RPN1: variants seen among roughly 807,000 people sequenced by gnomAD.
RPN1 encodes ribophorin I.
A neutral mutation model predicts 55.5 loss-of-function variants in RPN1; 12 were observed. The observed-to-expected ratio is 0.22, with a 90% CI of 0.14 to 0.35. The LOEUF (loss-of-function observed/expected upper bound fraction) is 0.35. Ranked by LOEUF, RPN1 falls within the 10% of genes least tolerant of loss-of-function variation. RPN1 has a pLI of 1.00. For missense variants in RPN1, 679 were observed against 761.3 expected, an observed-to-expected ratio of 0.89 and a Z score of 1.27; for synonymous variants, 317 against 305.9, an observed-to-expected ratio of 1.04 and a Z score of -0.38.
intron 3 of RPN1, among the ~76,000 whole-genome samples, chr3:128,634,377 T>C (rs951591174): frequency 6.6e-6 from 1 of 151,766 alleles, no homozygotes; most frequent in African/African-American, 2.4e-5. Context: ...ATGTAAAATG[T>C]TTAGAGAATA....
At position 128,650,760 on chromosome 3, in the gene RPN1, AG is replaced by A; in HGVS notation, c.40del (p.Thr16LeufsTer16). On this transcript the variant is annotated frameshift_variant, in exon 1 of 10. Transcript: ENST00000296255. LOFTEE classifies it high-confidence loss of function. Reference protein sequence around the residue: ...PAAGLFLLLLLGTWAPAPGSA... With the variant: ...PAAGLFLLLLXGTWAPAPGSA... ...GCCCGGCGCCGGGGCCCAAGTCCCA[AG>A]CAACAGGAGCAGAAACAAGCCGGCG... 6.5e-7 allele frequency: 1 copy of A among 1,548,088 alleles called. No individual in the cohort carries two copies. The highest frequency in any genetic ancestry group is 1.7e-4 in the Middle Eastern group (1 of 5,848).
chr3:128,631,751 A>C (rs888874011), intron 4 of RPN1, among the ~76,000 whole-genome samples, 197 bp downstream of exon 4: 2 of 152,192 alleles, frequency 1.3e-5, no homozygotes, highest in Non-Finnish European at 2.9e-5. Flanking sequence ...CAAAGAAAAA[A>C]AAGAAAATGG....
At chr3:128,649,869 TAA>T (rs1427919720) in intron 1 of RPN1, among the ~76,000 whole-genome samples, 1 of 152,184 alleles carries the variant, frequency 6.6e-6, no homozygotes, top group Non-Finnish European at 1.5e-5. Context: ...AAACTAACTT[TAA>T]AAAGAGTTTT....
intron 4 of RPN1, among the ~76,000 whole-genome samples, chr3:128,630,449 GAAGAA>G (rs1484330875): frequency 2.0e-5 from 3 of 152,154 alleles, no homozygotes; most frequent in African/African-American, 7.2e-5. Context: ...ATTTTGCAGA[GAAGAA>G]AAGTAAAGAT....
intron 1 of RPN1, among the ~76,000 whole-genome samples, chr3:128,648,041 C>A (rs1386639371): frequency 6.6e-6 from 1 of 151,920 alleles, no homozygotes; most frequent in Non-Finnish European, 1.5e-5. Flanking sequence ...GGTAGATCAC[C>A]TGAGGTCAGG....
chr3:128,647,064 A>G (rs767836222), intron 1 of RPN1, among the ~76,000 whole-genome samples: 3 of 152,090 alleles, frequency 2.0e-5, no homozygotes, highest in Non-Finnish European at 2.9e-5. Context: ...AACAAGATAC[A>G]TAACCAGGAA....
chr3:128,626,989 T>A, intron 5 of RPN1, 157 bp from the exon 6 acceptor site: 1 of 637,120 alleles, frequency 1.6e-6, no homozygotes. Flanking sequence ...ACAAAGTATC[T>A]CTACTGAACC....
At chr3:128,639,759 TG>T (rs1474165958) in intron 2 of RPN1, among the ~76,000 whole-genome samples, 1 of 151,832 alleles carries the variant, frequency 6.6e-6, no homozygotes, top group Non-Finnish European at 1.5e-5. Context: ...AGCTAATTTT[TG>T]TGTTTTTAGT....
At chr3:128,639,426 C>T (rs919959551) in intron 2 of RPN1, among the ~76,000 whole-genome samples, 3 of 145,014 alleles carry the variant, frequency 2.1e-5, no homozygotes, top group African/African-American at 7.6e-5. Flanking sequence ...TGCACTCCAG[C>T]CGGGCGACAG....
chr3:128,634,578 T>TA (rs2069663628), intron 3 of RPN1, among the ~76,000 whole-genome samples: 1 of 151,578 alleles, frequency 6.6e-6, no homozygotes, highest in Non-Finnish European at 1.5e-5. Flanking sequence ...TTTTTTTTTT[T>TA]TTGAGACAAA....
chr3:128,640,920 C>T (rs1325581865), intron 2 of RPN1: 3 of 152,132 alleles, frequency 2.0e-5, no homozygotes, highest in African/African-American at 7.2e-5. Context: ...TAAATGCTGC[C>T]ACATAATTTA....
At chr3:128,637,218 A>ACAGAGC (rs2069687509) in intron 3 of RPN1, among the ~76,000 whole-genome samples, 1 of 152,112 alleles carries the variant, frequency 6.6e-6, no homozygotes, top group South Asian at 2.1e-4. Flanking sequence ...AGGCTGGGCA[A>ACAGAGC]CAGAGCAGGA....
In RPN1 at chr3:128,642,762, A is replaced by G. The variant is rs113371667; in HGVS notation, c.326+2157T>C. On this transcript the variant is annotated intron_variant, in intron 2 of 9. Transcript: ENST00000296255. ...AAGGGGTCAGGCGCAGTGGCTCACA[A>G]CTGTAACCCAACACTTTGGGAGGCC... Among the ~76,000 whole-genome samples the G allele has an allele frequency of 5.9e-4, 89 of 152,014 alleles. 1 individual carries two copies. The highest frequency in any genetic ancestry group is 2.1e-3 in the African/African-American group (87 of 41,462).
rs754166351 is a variant in RPN1, at chr3:128,644,963, T to C, written c.282A>G (p.Glu94=). The C allele has an allele frequency of 3.2e-6, 5 of 1,577,610 alleles. No individual in the cohort carries two copies. The highest frequency in any genetic ancestry group is 3.3e-5 in the Admixed American group (2 of 59,958). ...TTTCACGTACTTCCAAATTGTTCTCTTCCTCATCTTCTCCCTTTACCTACA... is the reference window on the plus strand; with the variant it reads ...TTTCACGTACTTCCAAATTGTTCTCCTCCTCATCTTCTCCCTTTACCTACA... ...LGVQVKGEDE[E]ENNLEVRETK... Residue 94 remains glutamate (E), a synonymous_variant, in exon 2 of 10, where the codon GAA becomes GAG. Transcript: ENST00000296255.
At chr3:128,638,943 GT>G (rs1559756874) in intron 2 of RPN1, among the ~76,000 whole-genome samples, 1 of 151,430 alleles carries the variant, frequency 6.6e-6, no homozygotes, top group African/African-American at 2.4e-5. Context: ...TCCAGCCTGG[GT>G]GACAGAGAGA....
At chr3:128,625,807 G>A (rs1188959360) in intron 7 of RPN1, 67 bp downstream of exon 7, 15 of 1,562,096 alleles carry the variant, frequency 9.6e-6, no homozygotes, top group Non-Finnish European at 1.2e-5. Context: ...CAGAAGGTGA[G>A]TTCTTGGCCC....
intron 1 of RPN1, among the ~76,000 whole-genome samples, chr3:128,645,281 G>A (rs2069758085): frequency 6.6e-6 from 1 of 152,086 alleles, no homozygotes; most frequent in East Asian, 1.9e-4. Context: ...AGACCAGCCT[G>A]ACCAACATGG....
intron 1 of RPN1, among the ~76,000 whole-genome samples, chr3:128,650,286 G>A (rs2069806683): frequency 6.6e-6 from 1 of 152,186 alleles, no homozygotes; most frequent in African/African-American, 2.4e-5. Flanking sequence ...GACCCGCGCG[G>A]GGGCAGGCCG....
chr3:128,644,592 G>A, intron 2 of RPN1: 1 of 507,412 alleles, frequency 2.0e-6, no homozygotes, highest in South Asian at 1.6e-5. Flanking sequence ...CCCTGGAGGT[G>A]GAGGTTGCAG....
Sources: allele counts gnomAD v4.1 joint callset (sites outside exome capture counted in the v4.1 genomes callset), GRCh38; gene constraint gnomAD v4.1.1; transcripts MANE v1.5; gene names NCBI Gene and HGNC (gene_info 2026-07-23, HGNC 2026-07-21).